DMD: variants seen among roughly 807,000 people sequenced by gnomAD.
The protein encoded by DMD is mutant dystrophin.
DMD carries 63 observed loss-of-function variants against 330.1 expected under a neutral mutation model. The ratio of observed to expected loss-of-function variants is 0.19; its 90% confidence interval spans 0.16 to 0.24. The LOEUF (loss-of-function observed/expected upper bound fraction) is 0.24, where lower values mean the gene tolerates loss of function less well. Among genes scored for constraint, DMD ranks in the 10% least tolerant of loss-of-function variants. The pLI, the probability that DMD is intolerant of heterozygous loss-of-function variation, is 1.00. For synonymous variants in DMD, 1,223 were observed against 959.8 expected, an observed-to-expected ratio of 1.27 and a Z score of -5.07; for missense variants, 3,344 against 2,684.1, an observed-to-expected ratio of 1.25 and a Z score of -5.43.
At chrX:33,241,207 C>T (rs1208194087) in intron 1 of DMD, among the ~76,000 whole-genome samples, 3 of 111,894 alleles carry the variant, frequency 2.7e-5, no homozygotes, top group Non-Finnish European at 3.8e-5. Flanking sequence ...ACGTTTATGC[C>T]TTTAATCCAT....
intron 7 of DMD, among the ~76,000 whole-genome samples, chrX:32,745,129 G>A (rs1458843172): frequency 9.0e-6 from 1 of 110,742 alleles, no homozygotes; most frequent in Non-Finnish European, 1.9e-5. Flanking sequence ...AGTTGTTTTT[G>A]GCAAGAAAAA....
At chrX:32,961,953 C>A (rs963399430) in intron 2 of DMD, among the ~76,000 whole-genome samples, 9 of 111,747 alleles carry the variant, frequency 8.1e-5, no homozygotes. Context: ...ACATTTTAGA[C>A]CGAAACTTCA....
At chrX:33,338,292 C>T (rs1422099313) in intron 1 of DMD, among the ~76,000 whole-genome samples, 1 of 110,419 alleles carries the variant, frequency 9.1e-6, no homozygotes, top group Non-Finnish European at 1.9e-5. Flanking sequence ...TCTCCAAAAA[C>T]TTTATTTTTG....
chrX:32,083,601 A>G (rs2096410119), intron 44 of DMD, among the ~76,000 whole-genome samples: 1 of 112,185 alleles, frequency 8.9e-6, no homozygotes, highest in Non-Finnish European at 1.9e-5. Context: ...AAAAATCAAC[A>G]GTGTTGTATA....
chrX:32,591,991 G>T (rs1444206118), intron 13 of DMD, among the ~76,000 whole-genome samples: 1 of 112,633 alleles, frequency 8.9e-6, no homozygotes, highest in African/African-American at 3.2e-5. Context: ...GCCCCCTGCT[G>T]CCTTGCGCCC....
At chrX:32,673,676 T>A (rs189123039) in intron 9 of DMD, among the ~76,000 whole-genome samples, 94 of 111,932 alleles carry the variant, frequency 8.4e-4, no homozygotes, top group African/African-American at 2.8e-3. Flanking sequence ...AAGTAGACGA[T>A]CCCTCCTATC....
intron 48 of DMD, among the ~76,000 whole-genome samples, chrX:31,852,716 C>G (rs929460869): frequency 9.9e-5 from 11 of 111,476 alleles, no homozygotes; most frequent in Non-Finnish European, 2.1e-4. Context: ...TATATCAAAA[C>G]ATCACATTGT....
At chrX:31,496,750 T>C (rs766054073) in intron 57 of DMD, 38 bp downstream of exon 57, 72 of 1,203,519 alleles carry the variant, frequency 6.0e-5, no homozygotes, top group Admixed American at 4.4e-5. Context: ...TACTATGTGC[T>C]TAACATGTGC....
chrX:32,716,789 A>C (rs1026790199), intron 7 of DMD, among the ~76,000 whole-genome samples: 1 of 111,336 alleles, frequency 9.0e-6, no homozygotes, highest in Non-Finnish European at 1.9e-5. Flanking sequence ...TGAGGAACTT[A>C]TTGGGAACTG....
chrX:31,202,785 C>T (rs1274259920), intron 67 of DMD, among the ~76,000 whole-genome samples: 2 of 111,902 alleles, frequency 1.8e-5, no homozygotes, highest in East Asian at 5.6e-4. Flanking sequence ...AACATAAGAA[C>T]ACTGTGAATA....
At position 32,272,482 on chromosome X, in the gene DMD, C is replaced by T. The variant is rs776997313; in HGVS notation, c.6290+15047G>A. Among the ~76,000 whole-genome samples, 3 of 111,922 alleles carry T rather than the reference C, an allele frequency of 2.7e-5. No homozygotes were observed. In the East Asian group the frequency reaches 8.4e-4, roughly 31 times the overall value. ...TATGAGACTTTAAAAAGTCATTATA[C>T]GTATTTGTGTTGTTTCTACTGATGT... On this transcript the variant is annotated intron_variant, in intron 43 of 78. Transcript: ENST00000357033.
At chrX:32,434,346 G>A (rs1405078334) in intron 29 of DMD, among the ~76,000 whole-genome samples, 1 of 111,906 alleles carries the variant, frequency 8.9e-6, no homozygotes, top group Non-Finnish European at 1.9e-5. Flanking sequence ...GGAGGCAGAG[G>A]TTGCAGTGAG....
intron 7 of DMD, among the ~76,000 whole-genome samples, chrX:32,740,453 G>C (rs1044850384): frequency 9.1e-6 from 1 of 110,147 alleles, no homozygotes; most frequent in Non-Finnish European, 1.9e-5. Context: ...TCAGAAAAAA[G>C]GATCATATAT....
Position 32,949,284 on chromosome X carries a change from ACACAC to A in DMD, c.93+70850_93+70854del, listed in dbSNP as rs1486641113. On this transcript the variant is annotated intron_variant, in intron 2 of 78. Transcript: ENST00000357033. ...CACACACACACACACACACACACAC[ACACAC>A]ACGCACACATAATATATTAGATGAT... Among the ~76,000 whole-genome samples the A allele has an allele frequency of 1.3e-3, 125 of 98,367 alleles. 1 individual carries two copies. The highest frequency in any genetic ancestry group is 4.8e-3 in the African/African-American group (118 of 24,616). The allele number at this position is 98,367 out of a possible 115,157, so 85.4% of individuals were successfully genotyped here. A position where few individuals can be genotyped will look rare whatever the true frequency, so the allele number is the denominator to read the frequency against.
intron 1 of DMD, among the ~76,000 whole-genome samples, chrX:33,024,638 T>A (rs973221273): frequency 4.3e-4 from 48 of 112,018 alleles, no homozygotes; most frequent in Middle Eastern, 4.6e-3. Flanking sequence ...AATGAACTTT[T>A]ACCCTGTTAT....
chrX:31,582,472 A>G (rs988361948), intron 55 of DMD, among the ~76,000 whole-genome samples: 4 of 111,947 alleles, frequency 3.6e-5, no homozygotes, highest in African/African-American at 9.8e-5. Flanking sequence ...AATTTCAAAC[A>G]TGAGTATGGG....
At chrX:32,518,257 G>C in intron 17 of DMD, 126 bp from the exon 18 acceptor site, 1 of 659,743 alleles carries the variant, frequency 1.5e-6, no homozygotes, top group Non-Finnish European at 2.3e-6. Flanking sequence ...ACCTCTATTA[G>C]TATTAATAGC....
chrX:32,716,983 T>G, intron 7 of DMD, among the ~76,000 whole-genome samples: 1 of 111,345 alleles, frequency 9.0e-6, no homozygotes, highest in East Asian at 2.8e-4. Flanking sequence ...CGGTCATATG[T>G]ATGAGCAAAG....
intron 75 of DMD, 112 bp downstream of exon 75, chrX:31,147,163 C>T: frequency 9.7e-7 from 1 of 1,029,007 alleles, no homozygotes; most frequent in East Asian, 3.1e-5. Flanking sequence ...CAGGCACATA[C>T]CAAGCACTTA....
Sources: allele counts gnomAD v4.1 joint callset (sites outside exome capture counted in the v4.1 genomes callset), GRCh38; gene constraint gnomAD v4.1.1; transcripts MANE v1.5; gene names NCBI Gene and HGNC (gene_info 2026-07-23, HGNC 2026-07-21).